ZNF891: variants seen among roughly 807,000 people sequenced by gnomAD.
ZNF891 encodes hCG1646157.
For synonymous variants in ZNF891, 199 were observed against 209.0 expected (o/e 0.95, Z 0.41); for missense variants, 589 against 632.7 (o/e 0.93, Z 0.74).
chr12:133,115,788 T>TATTCC lies in ZNF891; in HGVS notation c.*4491_*4495dup, dbSNP rs1255538440. ...TCTACCTCCTGGTGTACAGGATGAG[T>TATTCC]ATTCCTTATTCAAAACACTTGGGAC... On this transcript the variant is annotated 3_prime_UTR_variant, in exon 2 of 2. Transcript: ENST00000537226. 4 of 152,142 alleles carry TATTCC rather than the reference T, an allele frequency of 2.6e-5. No homozygotes were observed. Among genetic ancestry groups the TATTCC allele is most frequent in the Admixed American group, 1.3e-4 (2 of 15,272 alleles). 9.4% of individuals were successfully genotyped at this position (152,142 alleles called of 1,614,324 possible). A position where few individuals can be genotyped will look rare whatever the true frequency, so the allele number is the denominator to read the frequency against.
At chr12:133,125,108 A>T (rs1243927176) in intron 1 of ZNF891, among the ~76,000 whole-genome samples, 1 of 152,210 alleles carries the variant, frequency 6.6e-6, no homozygotes, top group Non-Finnish European at 1.5e-5. Context: ...ACCATGAGTC[A>T]AAGAAATGAA....
chr12:133,106,844 CTT>C lies in ZNF891; in HGVS notation c.*13438_*13439del, dbSNP rs1428608416. ...TGTGGAAAAGCCATTAATAACCACT[CTT>C]TTATTTTTTTGCAATAACAAGGTGA... is the stretch of plus-strand genomic sequence containing the variant. On this transcript the variant is annotated 3_prime_UTR_variant, in exon 2 of 2. Coordinates refer to ENST00000537226, the MANE Select transcript of ZNF891 (RefSeq NM_001277291.2). 11 of 457,596 alleles carry C rather than the reference CTT, an allele frequency of 2.4e-5. No homozygotes were observed. Among genetic ancestry groups the C allele is most frequent in the Non-Finnish European group, 3.0e-5 (8 of 265,454 alleles). 28.3% of individuals were successfully genotyped at this position (457,596 alleles called of 1,614,324 possible).
Position 133,105,388 on chromosome 12 carries a change from G to GT in ZNF891, c.*14895dup. 9.9e-7 allele frequency: 1 copy of GT among 1,015,128 alleles called. No individual in the cohort carries two copies. The highest frequency in any genetic ancestry group is 1.8e-5 in the South Asian group (1 of 56,542). 62.9% of individuals were successfully genotyped at this position (1,015,128 alleles called of 1,614,324 possible). A position where few individuals can be genotyped will look rare whatever the true frequency, so the allele number is the denominator to read the frequency against. ...TACTACTCAGATTTCAGTCACAGCT[G>GT]TGAAAGCTGCTATTGATAAGATTTT... On this transcript the variant is annotated 3_prime_UTR_variant, in exon 2 of 2. Transcript: ENST00000537226.
At position 133,111,252 on chromosome 12, in the gene ZNF891, G is replaced by C. The variant is rs552335401; in HGVS notation, c.*9032C>G. The C allele has an allele frequency of 6.6e-6, 1 of 152,278 alleles. No individual in the cohort carries two copies. Among genetic ancestry groups the C allele is most frequent in the East Asian group, 1.9e-4 (1 of 5,184 alleles). The allele number at this position is 152,278 out of a possible 1,614,324, so 9.4% of individuals were successfully genotyped here. On this transcript the variant is annotated 3_prime_UTR_variant, in exon 2 of 2. Coordinates refer to ENST00000537226, the MANE Select transcript of ZNF891 (RefSeq NM_001277291.2). ...AATAAATTATGTAACCCAGCACTTTGGGAGGCCAAGGCAGAAAGATTGCTT... is the reference window on the plus strand; with the variant it reads ...AATAAATTATGTAACCCAGCACTTTCGGAGGCCAAGGCAGAAAGATTGCTT...
rs754785325 is a variant in ZNF891, at chr12:133,120,961, G to A, written c.958C>T (p.His320Tyr). 9.1e-6 allele frequency: 14 copies of A among 1,535,718 alleles called. No individual in the cohort carries two copies. The South Asian group carries it at 1.4e-4, about 16-fold the overall frequency. ...GCTTTTCCACATTGATTGCATTCAT[G>A]TTTCTTTTCAGTATGAGTTTGTCCT... ...KQGQTHTEKK[H>Y]ECNQCGKAFK... Residue 320 changes from histidine (H) to tyrosine (Y), a missense_variant, in exon 2 of 2, where the codon CAT (histidine) becomes TAT (tyrosine). Transcript: ENST00000537226.
chr12:133,121,215 T>C lies in ZNF891; in HGVS notation c.704A>G (p.Tyr235Cys). The change falls in exon 2 of 2, where the codon TAT (tyrosine) becomes TGT (cysteine). Residue 235 changes from tyrosine to cysteine, a missense_variant. Transcript: ENST00000537226. Reference sequence around the variant, plus strand: ...CTTCTCACTTATAGAGTTTTTCACATAATTGTTTATGATTGAATTGTGTTT... The same window carrying C: ...CTTCTCACTTATAGAGTTTTTCACACAATTGTTTATGATTGAATTGTGTTT... ...CLKHNSIINNYVKNSISEKLY... is the reference protein window; with the variant it reads ...CLKHNSIINNCVKNSISEKLY... 2 of 1,535,588 alleles carry C rather than the reference T, an allele frequency of 1.3e-6. No homozygotes were observed. Among genetic ancestry groups the C allele is most frequent in the South Asian group, 2.4e-5 (2 of 84,050 alleles).
chr12:133,123,760 A>AAAGT (rs371253994), intron 1 of ZNF891, among the ~76,000 whole-genome samples: 1 of 51,522 alleles, frequency 1.9e-5, no homozygotes, highest in East Asian at 3.1e-4. Context: ...CAACAACAAC[A>AAAGT]AAGTTAGGCT....
In ZNF891 at chr12:133,130,208, C is replaced by T. The variant is rs1403410432; in HGVS notation, c.-107+19G>A. The T allele has an allele frequency of 1.3e-5, 2 of 152,452 alleles. No homozygotes were observed. Among genetic ancestry groups the T allele is most frequent in the African/African-American group, 4.8e-5 (2 of 41,590 alleles). The allele number at this position is 152,452 out of a possible 1,614,324, so 9.4% of individuals were successfully genotyped here. A position where few individuals can be genotyped will look rare whatever the true frequency, so the allele number is the denominator to read the frequency against. ...AGGGACTTGTCCCGGGTGAACGAGC[C>T]ACAGGCCCGCATGCTCACCCGTCCT... On this transcript the variant is annotated intron_variant, in intron 1 of 1. Coordinates refer to ENST00000537226, the MANE Select transcript of ZNF891 (RefSeq NM_001277291.2).
chr12:133,106,529 T>C lies in ZNF891; in HGVS notation c.*13755A>G, dbSNP rs1955605101. On this transcript the variant is annotated 3_prime_UTR_variant, in exon 2 of 2. Transcript: ENST00000537226. ...AGAGAAACCCTATGTATGTAAGGTA[T>C]GCAACAAATCCTTCAGCTGGAGCTC... The C allele has an allele frequency of 6.2e-7, 1 of 1,614,080 alleles. No individual in the cohort carries two copies. The highest frequency in any genetic ancestry group is 8.5e-7 in the Non-Finnish European group (1 of 1,180,014).
Position 133,105,924 on chromosome 12 carries a change from C to G in ZNF891, c.*14360G>C. ...CAAATGATACATACTGGAAAGAAAC[C>G]CCATGAGTGTAAGGACTGTAATAAA... is the stretch of plus-strand genomic sequence containing the variant. On this transcript the variant is annotated 3_prime_UTR_variant, in exon 2 of 2. Coordinates refer to ENST00000537226, the MANE Select transcript of ZNF891 (RefSeq NM_001277291.2). 1 of 1,614,124 alleles carries G rather than the reference C, an allele frequency of 6.2e-7. No homozygotes were observed. The highest frequency in any genetic ancestry group is 8.5e-7 in the Non-Finnish European group (1 of 1,180,032).
chr12:133,122,175 T>C (rs770714731), intron 1 of ZNF891, 151 bp from the exon 2 acceptor site: 108 of 1,204,092 alleles, frequency 9.0e-5, no homozygotes, highest in Non-Finnish European at 1.1e-4. Flanking sequence ...TGTACTGACA[T>C]GCAATATAAC....
rs1955528927 is a variant in ZNF891, at chr12:133,104,872, T to C, written c.*15412A>G. Among the ~76,000 whole-genome samples, 1 of 152,146 alleles carries C rather than the reference T, an allele frequency of 6.6e-6. No individual in the cohort carries two copies. The highest frequency in any genetic ancestry group is 2.4e-5 in the African/African-American group (1 of 41,442). ...GAGCAAATTGTGTGTCATGGGGGTT[T>C]GGTGTGCAGATAATTTTGTCACCCA... is the stretch of plus-strand genomic sequence containing the variant. On this transcript the variant is annotated 3_prime_UTR_variant, in exon 2 of 2. Transcript: ENST00000537226.
rs1332763637 is a variant in ZNF891 at position 133,106,143 on chromosome 12, T to C, written c.*14141A>G. On this transcript the variant is annotated 3_prime_UTR_variant, in exon 2 of 2. Coordinates refer to ENST00000537226, the MANE Select transcript of ZNF891 (RefSeq NM_001277291.2). ...GCATTTAGCAGTGGCTCAGAACTCA[T>C]TCGCCACCAGATTACACATACTGGA... The C allele has an allele frequency of 1.2e-6, 2 of 1,614,182 alleles. No individual in the cohort carries two copies. The highest frequency in any genetic ancestry group is 2.2e-5 in the East Asian group (1 of 44,876).
In ZNF891 at chr12:133,119,704, GCT is replaced by G. The variant is rs1955737301; in HGVS notation, c.*578_*579del. 1.3e-5 allele frequency: 2 copies of G among 152,406 alleles called. No individual in the cohort carries two copies. The highest frequency in any genetic ancestry group is 1.3e-4 in the Admixed American group (2 of 15,294). The allele number at this position is 152,406 out of a possible 1,614,324, so 9.4% of individuals were successfully genotyped here. Reference sequence around the variant, plus strand: ...CTGTCATTTTCATGATCACAAGATAGCTCTTTCAGCAGCTTCAGGAATGGCCA... The same window carrying G: ...CTGTCATTTTCATGATCACAAGATAGCTTTCAGCAGCTTCAGGAATGGCCA... On this transcript the variant is annotated 3_prime_UTR_variant, in exon 2 of 2. Transcript: ENST00000537226.
intron 1 of ZNF891, among the ~76,000 whole-genome samples, chr12:133,128,773 C>G (rs1403713364): frequency 4.3e-4 from 60 of 139,550 alleles, no homozygotes; most frequent in Non-Finnish European, 3.1e-5. Context: ...AGCCTGGAGA[C>G]AGAGTGAAAC....
rs1955734350 is a variant in ZNF891 at position 133,119,328 on chromosome 12, G to C, written c.*956C>G. 1 of 152,138 alleles carries C rather than the reference G, an allele frequency of 6.6e-6. No homozygotes were observed. The highest frequency in any genetic ancestry group is 6.5e-5 in the Admixed American group (1 of 15,272). The allele number at this position is 152,138 out of a possible 1,614,324, so 9.4% of individuals were successfully genotyped here. A position where few individuals can be genotyped will look rare whatever the true frequency, so the allele number is the denominator to read the frequency against. ...GGACGCCTAGGTGGGTGGATCACCTGAGGTCAGGAGTTTGAGACCAACCTG... is the reference window on the plus strand; with the variant it reads ...GGACGCCTAGGTGGGTGGATCACCTCAGGTCAGGAGTTTGAGACCAACCTG... On this transcript the variant is annotated 3_prime_UTR_variant, in exon 2 of 2. Coordinates refer to ENST00000537226, the MANE Select transcript of ZNF891 (RefSeq NM_001277291.2).
Position 133,121,482 on chromosome 12 carries a change from T to C in ZNF891, c.437A>G (p.His146Arg), listed in dbSNP as rs1254905607. 9.8e-6 allele frequency: 15 copies of C among 1,536,082 alleles called. No homozygotes were observed. The highest frequency in any genetic ancestry group is 3.6e-5 in the South Asian group (3 of 84,068). ...NAVKMIKLTM[H>R]NWSSTLREDW... Reference sequence around the variant, plus strand: ...TTCTCTTAATGTGGAGGACCAATTATGCATTGTGAGTTTTATCATTTTCAC... The same window carrying C: ...TTCTCTTAATGTGGAGGACCAATTACGCATTGTGAGTTTTATCATTTTCAC... Residue 146 changes from histidine (H) to arginine (R), a missense_variant, in exon 2 of 2, where the codon CAT becomes CGT. Transcript: ENST00000537226.
chr12:133,107,398 G>A lies in ZNF891; in HGVS notation c.*12886C>T, dbSNP rs1281413800. The A allele has an allele frequency of 6.6e-6, 1 of 152,036 alleles. No individual in the cohort carries two copies. The highest frequency in any genetic ancestry group is 1.5e-5 in the Non-Finnish European group (1 of 68,006). The allele number at this position is 152,036 out of a possible 1,614,324, so 9.4% of individuals were successfully genotyped here. On this transcript the variant is annotated 3_prime_UTR_variant, in exon 2 of 2. Transcript: ENST00000537226. The stretch of plus-strand genomic sequence containing the variant: ...TGTTTTTTAAGTGAATTCAGAAAAT[G>A]TTATAAATAAATCTTTTGGTTTATT...
At position 133,108,109 on chromosome 12, in the gene ZNF891, TCA is replaced by T. The variant is rs958234628; in HGVS notation, c.*12173_*12174del. On this transcript the variant is annotated 3_prime_UTR_variant, in exon 2 of 2. Transcript: ENST00000537226. ...TTCTCAAGTTTCCATAAGAGTTGTT[TCA>T]GAGAGGCTGATTTATCTTACAATAG... 1.2e-4 allele frequency: 18 copies of T among 152,306 alleles called. No individual in the cohort carries two copies. The highest frequency in any genetic ancestry group is 4.3e-4 in the African/African-American group (18 of 41,570). The allele number at this position is 152,306 out of a possible 1,614,324, so 9.4% of individuals were successfully genotyped here.
Sources: gnomAD v4.1 joint callset for allele counts (sites outside exome capture counted in the v4.1 genomes callset) on GRCh38, gnomAD v4.1.1 for gene constraint, MANE v1.5 for transcripts, NCBI Gene and HGNC (gene_info 2026-07-23, HGNC 2026-07-21) for gene names.